The following NAV1 variants were observed in gnomAD, a reference collection of about 807,000 sequenced individuals.
NAV1 encodes the protein neuron navigator 1, also known as pore membrane and/or filament interacting like protein 3.
NAV1 carries 18 observed loss-of-function variants against 175.2 expected under a neutral mutation model. The observed-to-expected ratio is 0.10, with a 90% CI of 0.07 to 0.15. NAV1 has a LOEUF of 0.15. NAV1 is among the 10% of genes least tolerant of loss of function. NAV1 has a pLI of 1.00. For synonymous variants in NAV1, 897 were observed against 978.7 expected, an observed-to-expected ratio of 0.92 and a Z score of 1.56; for missense variants, 1,731 against 2,436.6, an observed-to-expected ratio of 0.71 and a Z score of 6.10.
In NAV1 at chr1:201,808,469, G is replaced by A; in HGVS notation, c.3897G>A (p.Glu1299=). 3 of 1,614,238 alleles carry A rather than the reference G, an allele frequency of 1.9e-6. No individual in the cohort carries two copies. Among genetic ancestry groups the A allele is most frequent in the Middle Eastern group, 3.3e-4 (2 of 6,062 alleles). ...CTAGGCTGTTCCATGCAAATGAGGA[G>A]GAGGAGCCAGAGAAGAAGGAGGTAT... Residue 1299 remains glutamate (E), a synonymous_variant, in exon 19 of 30, where the codon GAG becomes GAA. Coordinates refer to ENST00000367296, the Ensembl canonical transcript of NAV1. The surrounding 1 kb of genome is among the most constrained non-coding windows in gnomAD (Gnocchi z 5.5).
At position 201,568,391 on chromosome 1, in the gene NAV1, G is replaced by A. The variant is rs185124166; in HGVS notation, c.-143-20148G>A. Among the ~76,000 whole-genome samples, 32 of 152,248 alleles carry A rather than the reference G, an allele frequency of 2.1e-4. 1 individual carries two copies. Among genetic ancestry groups the A allele is most frequent in the Middle Eastern group, 6.8e-3 (2 of 294 alleles). On this transcript the variant is annotated intron_variant, in intron 1 of 33. Coordinates refer to the NAV1 transcript ENST00000685211. Reference sequence around the variant, plus strand: ...GGAGTGTCAGCACTCCATTGCCACTGCCATCACCGCTTCCCGGGGCTGCGT... The same window carrying A: ...GGAGTGTCAGCACTCCATTGCCACTACCATCACCGCTTCCCGGGGCTGCGT...
chr1:201,637,661 T>C (rs1470058931), intron 2 of NAV1, among the ~76,000 whole-genome samples: 1 of 152,228 alleles, frequency 6.6e-6, no homozygotes, highest in African/African-American at 2.4e-5. Flanking sequence ...AATTAAACTC[T>C]AGATTTGCCC....
chr1:201,708,752 T>C (rs1329083344), intron 1 of NAV1, among the ~76,000 whole-genome samples: 1 of 152,160 alleles, frequency 6.6e-6, no homozygotes, highest in East Asian at 1.9e-4. Context: ...ATCTTTGCCA[T>C]GTCTGGGCTC....
chr1:201,562,431 G>A (rs948359732), intron 1 of NAV1, among the ~76,000 whole-genome samples: 9 of 152,140 alleles, frequency 5.9e-5, no homozygotes, highest in African/African-American at 2.2e-4. Flanking sequence ...GGCTGGGATG[G>A]GCGAAGGTCT....
At chr1:201,607,324 A>C (rs190188822) in intron 2 of NAV1, among the ~76,000 whole-genome samples, 2 of 152,092 alleles carry the variant, frequency 1.3e-5, no homozygotes, top group Admixed American at 1.3e-4. Flanking sequence ...CATGTTGGCC[A>C]GGCTGGTCTC....
rs144948917 is a variant in NAV1, at chr1:201,728,025, A to T, written c.1226+9270A>T. On this transcript the variant is annotated intron_variant, in intron 3 of 29. Transcript: ENST00000367296. ...GTGGGACACAAATACCACCAGTTAT[A>T]AAGAGGAAAGATGGGAAGGAAAGAC... is the stretch of plus-strand genomic sequence containing the variant. Among the ~76,000 whole-genome samples the T allele has an allele frequency of 6.6e-4, 100 of 152,310 alleles. 3 individuals carry two copies. In the East Asian group the frequency reaches 0.016, roughly 24 times the overall value.
intron 3 of NAV1, among the ~76,000 whole-genome samples, chr1:201,776,188 G>A (rs1315283703): frequency 6.6e-6 from 1 of 151,758 alleles, no homozygotes; most frequent in African/African-American, 2.4e-5. Flanking sequence ...TTAATAGAAA[G>A]GATGGAAGAT....
chr1:201,605,905 T>C (rs1210389452), intron 2 of NAV1, among the ~76,000 whole-genome samples: 2 of 152,174 alleles, frequency 1.3e-5, no homozygotes, highest in Admixed American at 6.5e-5. Context: ...CTCCAGGCTG[T>C]GGTTGGCCTC....
Position 201,810,768 on chromosome 1 carries a change from C to A in NAV1, c.4797+10C>A. 6.2e-7 allele frequency: 1 copy of A among 1,605,322 alleles called. No individual in the cohort carries two copies. The highest frequency in any genetic ancestry group is 1.1e-5 in the South Asian group (1 of 90,652). ...CCAGCAGTCTTGCAAGGTGGCTGCC[C>A]CCCGACACCCCTGCCAGCCTTTGTT... On this transcript the variant is annotated intron_variant, in intron 24 of 29. Coordinates refer to ENST00000367296, the Ensembl canonical transcript of NAV1. The surrounding 1 kb of genome is among the most constrained non-coding windows in gnomAD (Gnocchi z 6.0).
chr1:201,794,444 G>A (rs1445630051), intron 14 of NAV1, 22 bp from the exon 19 acceptor site: 5 of 1,606,182 alleles, frequency 3.1e-6, no homozygotes, highest in Non-Finnish European at 4.3e-6. Context: ...CCCAGCCAAC[G>A]CTATTTTCAT....
At chr1:201,592,832 C>A (rs937811751) in intron 2 of NAV1, among the ~76,000 whole-genome samples, 3 of 152,064 alleles carry the variant, frequency 2.0e-5, no homozygotes, top group Non-Finnish European at 2.9e-5. Context: ...CTTTACCTCC[C>A]AGCTCAGAGC....
Position 201,813,340 on chromosome 1 carries a change from A to T in NAV1, c.5340+82A>T, listed in dbSNP as rs1678810197. On this transcript the variant is annotated intron_variant, in intron 28 of 29. Coordinates refer to ENST00000367296, the Ensembl canonical transcript of NAV1. This position sits in a 1 kb window ranked among gnomAD's most constrained non-coding sequence, Gnocchi z 4.2. ...TAGGAATGTTTCTTTAATGTTAGGCATGGGACTACTAGGATTAGTTAGGTT... is the reference window on the plus strand; with the variant it reads ...TAGGAATGTTTCTTTAATGTTAGGCTTGGGACTACTAGGATTAGTTAGGTT... 1 of 912,502 alleles carries T rather than the reference A, an allele frequency of 1.1e-6. No homozygotes were observed. Among genetic ancestry groups the T allele is most frequent in the African/African-American group, 1.6e-5 (1 of 60,940 alleles). 56.5% of individuals were successfully genotyped at this position (912,502 alleles called of 1,614,324 possible).
chr1:201,712,695 G>A (rs529602868), intron 1 of NAV1, 122 bp from the exon 6 acceptor site: 39 of 702,642 alleles, frequency 5.6e-5, no homozygotes, highest in Admixed American at 5.2e-4. Context: ...GGAGGAGGAA[G>A]GTGACTATCA....
intron 1 of NAV1, among the ~76,000 whole-genome samples, chr1:201,665,189 C>T (rs974080953): frequency 3.3e-5 from 5 of 151,826 alleles, no homozygotes; most frequent in African/African-American, 1.2e-4. Context: ...CACCATTCTC[C>T]CAGCTCTCTC....
Position 201,747,490 on chromosome 1 carries a change from A to G in NAV1, c.1226+28735A>G, listed in dbSNP as rs575237796. Among the ~76,000 whole-genome samples, 71 of 152,284 alleles carry G rather than the reference A, an allele frequency of 4.7e-4. 1 individual carries two copies. Among genetic ancestry groups the G allele is most frequent in the African/African-American group, 1.7e-3 (70 of 41,560 alleles). ...GAAGGAGAACACATACTTGGGATTTATTCCTGGGTGCCATGGGTTTCTGGA... is the reference window on the plus strand; with the variant it reads ...GAAGGAGAACACATACTTGGGATTTGTTCCTGGGTGCCATGGGTTTCTGGA... On this transcript the variant is annotated intron_variant, in intron 3 of 29. Transcript: ENST00000367296.
chr1:201,654,027 C>T (rs765445640), intron 1 of NAV1, among the ~76,000 whole-genome samples: 5 of 152,260 alleles, frequency 3.3e-5, no homozygotes, highest in African/African-American at 4.8e-5. Context: ...CTTGTTCTGA[C>T]TGCTGCAGTC....
At chr1:201,599,858 AAAAC>A (rs1251685646) in intron 2 of NAV1, among the ~76,000 whole-genome samples, 1 of 152,196 alleles carries the variant, frequency 6.6e-6, no homozygotes, top group Non-Finnish European at 1.5e-5. Context: ...TGAGGGGGAA[AAAAC>A]AACACTTTAT....
intron 25 of NAV1, 72 bp downstream of exon 29, chr1:201,811,829 G>A (rs191064453): frequency 8.1e-6 from 13 of 1,609,504 alleles, no homozygotes; most frequent in East Asian, 2.2e-5. Context: ...GACAACCTAT[G>A]AGTTGTGTGC....
chr1:201,699,054 G>A (rs1020392846), intron 1 of NAV1, among the ~76,000 whole-genome samples: 64 of 152,148 alleles, frequency 4.2e-4, no homozygotes, highest in African/African-American at 1.4e-3. Flanking sequence ...CTCTCTCACC[G>A]CTCCTATTCA....
Sources: gnomAD v4.1 joint callset for allele counts (sites outside exome capture counted in the v4.1 genomes callset) on GRCh38, gnomAD v4.1.1 for gene constraint, Gnocchi (gnomAD v3.1) non-coding constraint, MANE v1.5 for transcripts, NCBI Gene and HGNC (gene_info 2026-07-23, HGNC 2026-07-21) for gene names.